TRAM2: variants seen among roughly 807,000 people sequenced by gnomAD.
TRAM2 encodes translocation associated membrane protein 2.
Under a neutral mutation model 51.0 loss-of-function variants are expected in TRAM2, and 12 were observed. That is an observed-to-expected ratio of 0.24 (90% CI 0.15 to 0.38). The LOEUF (loss-of-function observed/expected upper bound fraction) is 0.38, where lower values mean the gene tolerates loss of function less well. Among genes scored for constraint, TRAM2 ranks in the 10% least tolerant of loss-of-function variants. The pLI is 1.00. For missense variants in TRAM2, 361 were observed against 462.0 expected, an observed-to-expected ratio of 0.78 and a Z score of 2.00; for synonymous variants, 175 against 179.4, an observed-to-expected ratio of 0.98 and a Z score of 0.20.
intron 2 of TRAM2, among the ~76,000 whole-genome samples, chr6:52,533,085 G>A (rs1440780070): frequency 6.6e-6 from 1 of 151,752 alleles, no homozygotes; most frequent in African/African-American, 2.4e-5. Flanking sequence ...GGGGCTGTTG[G>A]GGGCTAGAGG....
In TRAM2 at chr6:52,528,208, G is replaced by A. The variant is rs573464150; in HGVS notation, c.184+7575C>T. Among the ~76,000 whole-genome samples the A allele has an allele frequency of 1.9e-3, 291 of 152,170 alleles. 1 individual carries two copies. Among genetic ancestry groups the A allele is most frequent in the African/African-American group, 6.6e-3 (276 of 41,508 alleles). On this transcript the variant is annotated intron_variant, in intron 2 of 10. Coordinates refer to ENST00000182527, the MANE Select transcript of TRAM2 (RefSeq NM_012288.4). ...CCTTGGCTCTCGCTGGTGCATCCTT[G>A]GGAGCACCAATCAATTCTCTGAGCC...
At position 52,506,050 on chromosome 6, in the gene TRAM2, T is replaced by C; in HGVS notation, c.713A>G (p.Asp238Gly). The change falls in exon 8 of 11, where the codon GAT becomes GGT. Residue 238 changes from aspartate (D) to glycine (G), a missense_variant. By Grantham distance (94) the Asp-to-Gly change is moderately conservative. Transcript: ENST00000182527. Reference protein sequence around the residue: ...FHTARLFYFADENNEKLFSAW... With the variant: ...FHTARLFYFAGENNEKLFSAW... The stretch of plus-strand genomic sequence containing the variant: ...CACTTACAGTTTCTCGTTGTTTTCA[T>C]CTGCAAAGTAGAAGAGTCTAGCCGT... 2 of 1,614,176 alleles carry C rather than the reference T, an allele frequency of 1.2e-6. No individual in the cohort carries two copies. Among genetic ancestry groups the C allele is most frequent in the Non-Finnish European group, 1.7e-6 (2 of 1,180,036 alleles).
rs535630179 is a variant in TRAM2 at position 52,539,472 on chromosome 6, C to T, written c.121-3626G>A. On this transcript the variant is annotated intron_variant, in intron 1 of 10. Coordinates refer to ENST00000182527, the MANE Select transcript of TRAM2 (RefSeq NM_012288.4). ...TCAAACGTATCAGGGAAAACCTGAACGTCAGCACCATGAGGGCCAAGATTT... is the reference window on the plus strand; with the variant it reads ...TCAAACGTATCAGGGAAAACCTGAATGTCAGCACCATGAGGGCCAAGATTT... Among the ~76,000 whole-genome samples, 13 of 152,056 alleles carry T rather than the reference C, an allele frequency of 8.5e-5. No homozygotes were observed. In the South Asian group the frequency reaches 2.3e-3, roughly 27 times the overall value.
At chr6:52,565,322 C>T (rs138889609) in intron 1 of TRAM2, among the ~76,000 whole-genome samples, 27 of 152,136 alleles carry the variant, frequency 1.8e-4, no homozygotes, top group African/African-American at 3.4e-4. Context: ...ATCATTAGGG[C>T]GAGAGGAGAC....
At chr6:52,515,094 A>T (rs1240335680) in intron 4 of TRAM2, among the ~76,000 whole-genome samples, 2 of 152,198 alleles carry the variant, frequency 1.3e-5, no homozygotes, top group African/African-American at 4.8e-5. Flanking sequence ...GTTCCTTGTG[A>T]TGGGAGCGCC....
In TRAM2 at chr6:52,501,074, T is replaced by TAC. The variant is rs1730057678; in HGVS notation, c.*2122_*2123insGT. The TAC allele has an allele frequency of 6.6e-6, 1 of 152,190 alleles. No individual in the cohort carries two copies. 9.4% of individuals were successfully genotyped at this position (152,190 alleles called of 1,614,324 possible). ...ATAGACTCTGTCAGGGCTGTTTGAC[T>TAC]AAAGTGGCTAAGGGATCCCATATCA... On this transcript the variant is annotated 3_prime_UTR_variant, in exon 11 of 11. Transcript: ENST00000182527.
chr6:52,546,874 G>C (rs76412359), intron 1 of TRAM2, among the ~76,000 whole-genome samples: 2,654 of 152,270 alleles, frequency 0.017, 65 homozygotes, highest in African/African-American at 0.061. Context: ...CCCGTGACCA[G>C]GTTTTTGTTT....
chr6:52,560,371 C>A (rs1304485180), intron 1 of TRAM2, among the ~76,000 whole-genome samples: 1 of 152,080 alleles, frequency 6.6e-6, no homozygotes, highest in Admixed American at 6.5e-5. Context: ...CAGGTGTTGC[C>A]TGTGCATATA....
At chr6:52,542,235 C>T (rs1052390037) in intron 1 of TRAM2, among the ~76,000 whole-genome samples, 6 of 150,654 alleles carry the variant, frequency 4.0e-5, no homozygotes, top group African/African-American at 1.5e-4. Context: ...GAAAGTTACG[C>T]CCAATTGGTG....
intron 1 of TRAM2, among the ~76,000 whole-genome samples, chr6:52,573,002 G>A (rs772407968): frequency 6.6e-6 from 1 of 152,066 alleles, no homozygotes; most frequent in Non-Finnish European, 1.5e-5. Context: ...AGACCAAAAA[G>A]AAACCAAACC....
intron 2 of TRAM2, among the ~76,000 whole-genome samples, chr6:52,521,799 C>A (rs1384362646): frequency 6.6e-6 from 1 of 152,118 alleles, no homozygotes; most frequent in African/African-American, 2.4e-5. Flanking sequence ...CAGGTTAGAG[C>A]TCCCACTTCT....
intron 2 of TRAM2, chr6:52,524,683 T>C (rs1033911861): frequency 2.6e-5 from 4 of 152,246 alleles, no homozygotes; most frequent in African/African-American, 9.6e-5. Context: ...AAAACAATTT[T>C]TAAGTAAGTC....
At chr6:52,517,023 G>C in intron 2 of TRAM2, 1 of 354,318 alleles carries the variant, frequency 2.8e-6, no homozygotes, top group South Asian at 3.4e-5. Context: ...ACAGAGCCAG[G>C]GTTAGAGACC....
chr6:52,574,962 A>G (rs1767739379), intron 1 of TRAM2, among the ~76,000 whole-genome samples: 1 of 152,214 alleles, frequency 6.6e-6, no homozygotes, highest in Non-Finnish European at 1.5e-5. Context: ...TGAGGTTTAC[A>G]GCTGTCACGT....
Position 52,542,287 on chromosome 6 carries a change from G to A in TRAM2, c.121-6441C>T, listed in dbSNP as rs1168780630. 5.5e-5 allele frequency among the ~76,000 whole-genome samples: 7 copies of A among 126,788 alleles called. 1 individual carries two copies. The highest frequency in any genetic ancestry group is 5.3e-4 in the Admixed American group (6 of 11,366). 83.2% of individuals were successfully genotyped at this position (126,788 alleles called of 152,430 possible). A position where few individuals can be genotyped will look rare whatever the true frequency, so the allele number is the denominator to read the frequency against. On this transcript the variant is annotated intron_variant, in intron 1 of 10. Coordinates refer to ENST00000182527, the MANE Select transcript of TRAM2 (RefSeq NM_012288.4). ...GTTTTTTTTTTTTTTAAAAAAAATA[G>A]TCTTTTAGCCTTTTTTCCTGGAGTG... is the stretch of plus-strand genomic sequence containing the variant.
intron 7 of TRAM2, among the ~76,000 whole-genome samples, chr6:52,506,881 ATTTCCAGGCACCTCG>A (rs1766359983): frequency 6.6e-6 from 1 of 152,160 alleles, no homozygotes; most frequent in East Asian, 1.9e-4. Flanking sequence ...GCACCTCGGG[ATTTCCAGGCACCTCG>A]GCAGAAAGTT....
Position 52,576,916 on chromosome 6 carries a change from G to GGCAGCGGGCGC in TRAM2, c.-12_-2dup, listed in dbSNP as rs1767779323. The GGCAGCGGGCGC allele has an allele frequency of 9.3e-6, 15 of 1,610,664 alleles. No homozygotes were observed. Among genetic ancestry groups the GGCAGCGGGCGC allele is most frequent in the Non-Finnish European group, 1.2e-5 (14 of 1,178,672 alleles). On this transcript the variant is annotated 5_prime_UTR_variant, in exon 1 of 11. Transcript: ENST00000182527. ...TTTTCGTCCTCCTGCGGAAAGCCAT[G>GGCAGCGGGCGC]GCAGCGGGCGCGCAGCGGCCGGCGG...
chr6:52,577,012 G>C lies in TRAM2; in HGVS notation c.-97C>G. ...ACCGGCCCGGTCCGCCCGCCGGCCC[G>C]CCGCCCGCTCTCCCACAGCCGCTCG... On this transcript the variant is annotated 5_prime_UTR_variant, in exon 1 of 11. Transcript: ENST00000182527. 7.7e-7 allele frequency: 1 copy of C among 1,293,150 alleles called. No individual in the cohort carries two copies. The highest frequency in any genetic ancestry group is 9.8e-7 in the Non-Finnish European group (1 of 1,019,882). 80.1% of individuals were successfully genotyped at this position (1,293,150 alleles called of 1,614,324 possible).
At chr6:52,530,533 C>T (rs189277490) in intron 2 of TRAM2, among the ~76,000 whole-genome samples, 14 of 152,190 alleles carry the variant, frequency 9.2e-5, no homozygotes, top group Admixed American at 2.0e-4. Context: ...ATGAGGTCAC[C>T]GTGGAGTAGG....
Sources: gnomAD v4.1 joint callset for allele counts (sites outside exome capture counted in the v4.1 genomes callset) on GRCh38, gnomAD v4.1.1 for gene constraint, MANE v1.5 for transcripts, NCBI Gene and HGNC (gene_info 2026-07-23, HGNC 2026-07-21) for gene names.